Variants in SP140 observed in about 807,000 individuals in gnomAD.
The protein encoded by SP140 is SP140 nuclear body protein.
SP140 carries 81 observed loss-of-function variants against 125.0 expected under a neutral mutation model. That is an observed-to-expected ratio of 0.65 (90% confidence interval 0.54 to 0.78). The LOEUF (loss-of-function observed/expected upper bound fraction) is 0.78, where lower values mean the gene tolerates loss of function less well. Among genes scored for constraint, SP140 ranks in the 30% least tolerant of loss-of-function variants. The pLI is 0.00. For synonymous variants in SP140, 312 were observed against 354.0 expected, an observed-to-expected ratio of 0.88 and a Z score of 1.33; for missense variants, 858 against 1,037.0, an observed-to-expected ratio of 0.83 and a Z score of 2.37.
intron 23 of SP140, chr2:230,310,244 C>G (rs1382387378): frequency 1.7e-6 from 1 of 574,684 alleles, no homozygotes; most frequent in South Asian, 2.2e-5. Flanking sequence ...GGGACACCTC[C>G]TCTGATATGC....
Position 230,204,209 on chromosome 2 carries a change from C to G in SP140, c.-323+930C>G, listed in dbSNP as rs569558901. ...AGAGATGTCAAAAGGTCAGAGTTAC[C>G]TCAACAGAACTGACCATCTGACACT... On this transcript the variant is annotated intron_variant, in intron 1 of 4. Transcript: ENST00000456542. 5.3e-5 allele frequency among the ~76,000 whole-genome samples: 8 copies of G among 152,316 alleles called. 1 individual carries two copies. The highest frequency in any genetic ancestry group is 1.9e-4 in the African/African-American group (8 of 41,570).
At chr2:230,212,814 G>A in intron 1 of SP140, 1 of 1,614,158 alleles carries the variant, frequency 6.2e-7, no homozygotes, top group Non-Finnish European at 8.5e-7. Context: ...GACAGGGTCA[G>A]ATGGGCTGGG....
chr2:230,205,619 G>C (rs1222958358), intron 1 of SP140, among the ~76,000 whole-genome samples: 1 of 152,058 alleles, frequency 6.6e-6, no homozygotes, highest in Non-Finnish European at 1.5e-5. Context: ...TCTGTCTTCA[G>C]CTTTCAGAAT....
At chr2:230,315,639 T>C (rs2059479437), downstream of SP140, among the ~76,000 whole-genome samples, 1 of 152,062 alleles carries the variant, frequency 6.6e-6, no homozygotes, top group Non-Finnish European at 1.5e-5. Context: ...ATGACTGTCT[T>C]AGGGAAGGCC....
chr2:230,267,362 C>G (rs2053281336), intron 12 of SP140, among the ~76,000 whole-genome samples: 1 of 152,178 alleles, frequency 6.6e-6, no homozygotes, highest in Non-Finnish European at 1.5e-5. Flanking sequence ...TCTTCTGAAC[C>G]TTTAATCTGG....
chr2:230,296,651 C>T (rs746789395), intron 21 of SP140, among the ~76,000 whole-genome samples: 1 of 152,194 alleles, frequency 6.6e-6, no homozygotes, highest in Non-Finnish European at 1.5e-5. Flanking sequence ...AAGCAGTGCT[C>T]TTCTTGTCTG....
At chr2:230,215,796 G>A (rs1230062805) in intron 3 of SP140, among the ~76,000 whole-genome samples, 2 of 152,310 alleles carry the variant, frequency 1.3e-5, no homozygotes, top group Non-Finnish European at 2.9e-5. Context: ...GAGAAGATGA[G>A]CATTAATAAA....
chr2:230,209,487 A>G (rs916114763), intron 1 of SP140, among the ~76,000 whole-genome samples: 4 of 152,208 alleles, frequency 2.6e-5, no homozygotes, highest in Non-Finnish European at 5.9e-5. Context: ...GGAGAGGATC[A>G]GGGAGGAAGG....
intron 3 of SP140, among the ~76,000 whole-genome samples, chr2:230,240,922 G>A (rs998979928): frequency 1.3e-5 from 2 of 152,112 alleles, no homozygotes; most frequent in Non-Finnish European, 2.9e-5. Flanking sequence ...TCAACGGAGG[G>A]TAGATAAACT....
chr2:230,235,955 C>G (rs2047935629), intron 1 of SP140, among the ~76,000 whole-genome samples: 1 of 140,398 alleles, frequency 7.1e-6, no homozygotes. Context: ...CAGCTCACTG[C>G]AAGCTCCGCC....
At chr2:230,197,604 A>C in the SP140 span, among the ~76,000 whole-genome samples, 1 of 151,580 alleles carries the variant, frequency 6.6e-6, no homozygotes, top group Non-Finnish European at 1.5e-5. Context: ...TGTTTTAGAC[A>C]TGAAGTCCTT....
At chr2:230,239,512 A>C (rs1487770781) in intron 3 of SP140, among the ~76,000 whole-genome samples, 1 of 152,112 alleles carries the variant, frequency 6.6e-6, no homozygotes, top group East Asian at 1.9e-4. Context: ...CAGTGGTGTG[A>C]TCTTGGCTAC....
Position 230,310,730 on chromosome 2 carries a change from T to C in SP140, c.2175-13T>C. 6.7e-7 allele frequency: 1 copy of C among 1,493,766 alleles called. No homozygotes were observed. Among genetic ancestry groups the C allele is most frequent in the South Asian group, 1.2e-5 (1 of 81,352 alleles). The allele number at this position is 1,493,766 out of a possible 1,614,324, so 92.5% of individuals were successfully genotyped here. On this transcript the variant is annotated splice_polypyrimidine_tract_variant and intron_variant, in intron 23 of 26. Coordinates refer to ENST00000392045, the MANE Select transcript of SP140 (RefSeq NM_007237.5). ...GCTCCCTGCCCTCTGCTCACCCATG[T>C]CCAATCTCTCAGGACCCCGTGGAAT...
chr2:230,305,810 G>A (rs1004181961), intron 22 of SP140, among the ~76,000 whole-genome samples: 1 of 152,250 alleles, frequency 6.6e-6, no homozygotes, highest in African/African-American at 2.4e-5. Flanking sequence ...GCCCCTCACA[G>A]GAGGCTGAAC....
intron 1 of SP140, among the ~76,000 whole-genome samples, chr2:230,230,734 T>A (rs2047120137): frequency 6.6e-6 from 1 of 152,216 alleles, no homozygotes; most frequent in Non-Finnish European, 1.5e-5. Context: ...TCTAGATCAT[T>A]TGATATTTAT....
At chr2:230,290,660 T>A (rs2149479529) in intron 19 of SP140, 96 bp downstream of exon 19, 1 of 1,106,280 alleles carries the variant, frequency 9.0e-7, no homozygotes, top group East Asian at 2.5e-5. Flanking sequence ...TTCAAGGAGT[T>A]TGGTCCCAGT....
intron 21 of SP140, among the ~76,000 whole-genome samples, chr2:230,295,445 G>A (rs1476617852): frequency 1.3e-5 from 2 of 152,132 alleles, no homozygotes; most frequent in East Asian, 1.9e-4. Context: ...ACCTTTCACC[G>A]GGTGCCAAGA....
chr2:230,265,266 G>A (rs1389959522), intron 12 of SP140, among the ~76,000 whole-genome samples: 1 of 151,948 alleles, frequency 6.6e-6, no homozygotes, highest in African/African-American at 2.4e-5. Flanking sequence ...GCAGTCACAG[G>A]TCTCACCCAG....
In SP140 at chr2:230,241,652, G is replaced by T. The variant is rs115336276; in HGVS notation, c.490+165G>T. Among the ~76,000 whole-genome samples, 1,418 of 152,198 alleles carry T rather than the reference G, an allele frequency of 9.3e-3. 16 individuals are homozygous for T. The highest frequency in any genetic ancestry group is 0.032 in the African/African-American group (1,327 of 41,534). ...CCCTTATCTGCCAACAGATGTGAGA[G>T]AACCAATGAAAAAGGAGATCTGATC... On this transcript the variant is annotated intron_variant, in intron 4 of 26. Coordinates refer to ENST00000392045, the MANE Select transcript of SP140 (RefSeq NM_007237.5).
Sources: allele counts gnomAD v4.1 joint callset (sites outside exome capture counted in the v4.1 genomes callset), GRCh38; gene constraint gnomAD v4.1.1; transcripts MANE v1.5; gene names NCBI Gene and HGNC (gene_info 2026-07-23, HGNC 2026-07-21).